Variants in MMP26 observed in about 807,000 individuals in gnomAD.
MMP26 encodes matrix metallopeptidase 26, also known as matrix metalloproteinase-26.
A neutral mutation model predicts 31.0 loss-of-function variants in MMP26; 33 were observed. That is an observed-to-expected ratio of 1.06 (90% confidence interval 0.81 to 1.42). MMP26 has a LOEUF of 1.42. Ranked by LOEUF, MMP26 falls within the 40% of genes most tolerant of loss-of-function variation. The pLI is 0.00. For missense variants in MMP26, 347 were observed against 316.1 expected (o/e 1.10, Z -0.74); for synonymous variants, 122 against 114.9 (o/e 1.06, Z -0.40).
At chr11:4,903,385 T>C (rs970298242) in intron 2 of MMP26, among the ~76,000 whole-genome samples, 2 of 152,150 alleles carry the variant, frequency 1.3e-5, no homozygotes, top group Non-Finnish European at 2.9e-5. Flanking sequence ...TATTTGATAC[T>C]TATAGATTAC....
At chr11:4,787,582 A>G (rs541104926) in intron 2 of MMP26, 3 of 152,428 alleles carry the variant, frequency 2.0e-5, no homozygotes, top group African/African-American at 7.2e-5. Context: ...ATGTCCACCC[A>G]CTATTGTCCA....
rs7102868 is a variant in MMP26, at chr11:4,834,942, A to G, written c.-145+67601A>G. Among the ~76,000 whole-genome samples, 818 of 152,234 alleles carry G rather than the reference A, an allele frequency of 5.4e-3. 10 individuals carry two copies. Among genetic ancestry groups the G allele is most frequent in the African/African-American group, 0.018 (760 of 41,532 alleles). On this transcript the variant is annotated intron_variant, in intron 2 of 7. Coordinates refer to ENST00000380390, the MANE Select transcript of MMP26 (RefSeq NM_021801.5). ...CACACAAAATATATAAAATATAGAC[A>G]TAAATTATCTTAAATATGGAAAGAC...
chr11:4,798,363 A>G lies in MMP26; in HGVS notation c.-145+31022A>G, dbSNP rs112607966. On this transcript the variant is annotated intron_variant, in intron 2 of 7. Transcript: ENST00000380390. ...AAATTTTTCATGTCAAGGTGGGACT[A>G]CAGGACCTCACCCACCTTCAGCCTT... is the stretch of plus-strand genomic sequence containing the variant. 4.5e-3 allele frequency among the ~76,000 whole-genome samples: 679 copies of G among 152,356 alleles called. 4 individuals carry two copies. Among genetic ancestry groups the G allele is most frequent in the African/African-American group, 0.015 (611 of 41,596 alleles).
Position 4,841,711 on chromosome 11 carries a change from T to G in MMP26, c.-145+74370T>G, listed in dbSNP as rs1052613819. On this transcript the variant is annotated intron_variant, in intron 2 of 7. Transcript: ENST00000380390. ...ACTTTGGGAGGCCGAAGCAGGCAGA[T>G]CACCTGAGGTCAGGAGTTCGAGACC... is the stretch of plus-strand genomic sequence containing the variant. 3.3e-5 allele frequency among the ~76,000 whole-genome samples: 5 copies of G among 152,304 alleles called. No individual in the cohort carries two copies. The East Asian group carries it at 7.7e-4, about 24-fold the overall frequency.
chr11:4,731,899 C>T (rs1052303071), intron 1 of MMP26, among the ~76,000 whole-genome samples: 1 of 152,130 alleles, frequency 6.6e-6, no homozygotes, highest in Non-Finnish European at 1.5e-5. Flanking sequence ...ATCCTGTCAT[C>T]GGGAGGCATG....
At chr11:4,981,045 G>T (rs1023825962) in intron 2 of MMP26, among the ~76,000 whole-genome samples, 1 of 152,068 alleles carries the variant, frequency 6.6e-6, no homozygotes, top group Non-Finnish European at 1.5e-5. Flanking sequence ...TAGTTAAGTA[G>T]CTGAATGTTA....
intron 2 of MMP26, among the ~76,000 whole-genome samples, chr11:4,830,873 GAACA>G (rs10592613): frequency 0.095 from 14,514 of 152,096 alleles, 1,127 homozygotes; most frequent in African/African-American, 0.22. Context: ...AAAAATCCGT[GAACA>G]GACAAAGACA....
intron 2 of MMP26, among the ~76,000 whole-genome samples, chr11:4,770,704 A>G (rs1966655): frequency 0.19 from 28,172 of 151,966 alleles, 3,974 homozygotes; most frequent in African/African-American, 0.39. Context: ...TTAGCTGGGC[A>G]TGGTGGCGTG....
chr11:4,770,001 A>G (rs979267284), intron 2 of MMP26: 1 of 698,596 alleles, frequency 1.4e-6, no homozygotes, highest in Middle Eastern at 2.5e-4. Context: ...AAATATTTAG[A>G]TACATTTTCT....
chr11:4,920,923 TC>T (rs1851174341), intron 2 of MMP26, among the ~76,000 whole-genome samples: 1 of 152,204 alleles, frequency 6.6e-6, no homozygotes, highest in African/African-American at 2.4e-5. Flanking sequence ...CTGATAGGTA[TC>T]AGATGTCATC....
intron 1 of MMP26, among the ~76,000 whole-genome samples, chr11:4,732,801 C>G (rs1378522095): frequency 6.6e-6 from 1 of 152,204 alleles, no homozygotes; most frequent in Non-Finnish European, 1.5e-5. Context: ...GTACTTCAGT[C>G]CTTTTTATAG....
chr11:4,822,407 A>G, intron 2 of MMP26: 1 of 1,435,762 alleles, frequency 7.0e-7, no homozygotes, highest in African/African-American at 1.4e-5. Context: ...AAAGCCATTT[A>G]TGAATAAGTG....
chr11:4,869,698 C>T (rs1264236862), intron 2 of MMP26, among the ~76,000 whole-genome samples: 1 of 152,124 alleles, frequency 6.6e-6, no homozygotes, highest in Non-Finnish European at 1.5e-5. Context: ...TACCATTTGA[C>T]CCAGCAATCC....
intron 2 of MMP26, among the ~76,000 whole-genome samples, chr11:4,896,266 C>T (rs1850699559): frequency 6.6e-6 from 1 of 152,120 alleles, no homozygotes; most frequent in Non-Finnish European, 1.5e-5. Context: ...TAAGTTTATT[C>T]TAGCGCTTTC....
At chr11:4,821,334 A>C in intron 2 of MMP26, 1 of 1,386,698 alleles carries the variant, frequency 7.2e-7, no homozygotes, top group Non-Finnish European at 1.0e-6. Context: ...TGAATCTTGA[A>C]GTGCCAGAGA....
At chr11:4,780,539 G>A (rs1371256916) in intron 2 of MMP26, among the ~76,000 whole-genome samples, 1 of 151,642 alleles carries the variant, frequency 6.6e-6, no homozygotes, top group African/African-American at 2.4e-5. Flanking sequence ...ATTGATTTTT[G>A]TTTATTTTTG....
intron 1 of MMP26, among the ~76,000 whole-genome samples, chr11:4,720,741 G>T (rs1419357890): frequency 6.6e-6 from 1 of 152,164 alleles, no homozygotes; most frequent in Non-Finnish European, 1.5e-5. Flanking sequence ...TACCTTAGGA[G>T]TTCAAAGGAT....
chr11:4,752,156 G>A (rs568754107), intron 1 of MMP26: 1 of 152,240 alleles, frequency 6.6e-6, no homozygotes, highest in East Asian at 1.9e-4. Context: ...TAGCAATGGG[G>A]GTGGGCACAT....
chr11:4,851,271 T>C (rs1849972033), intron 2 of MMP26, among the ~76,000 whole-genome samples: 1 of 152,164 alleles, frequency 6.6e-6, no homozygotes, highest in Non-Finnish European at 1.5e-5. Context: ...GTTCCTGTAC[T>C]CGTGAGGCAG....
Sources: gnomAD v4.1 joint callset for allele counts (sites outside exome capture counted in the v4.1 genomes callset) on GRCh38, gnomAD v4.1.1 for gene constraint, MANE v1.5 for transcripts, NCBI Gene and HGNC (gene_info 2026-07-23, HGNC 2026-07-21) for gene names.